The following SCML2 variants were observed in gnomAD, a reference collection of about 807,000 sequenced individuals.
SCML2 encodes Scm polycomb group protein like 2.
In SCML2, 6 loss-of-function variants were observed where a neutral mutation model predicts 48.4. The ratio of observed to expected loss-of-function variants is 0.12; its 90% CI spans 0.07 to 0.24. The LOEUF (loss-of-function observed/expected upper bound fraction) is 0.24, where lower values mean the gene tolerates loss of function less well. Ranked by LOEUF, SCML2 falls within the 10% of genes least tolerant of loss-of-function variation. SCML2 has a pLI of 1.00. For missense variants in SCML2, 377 were observed against 528.2 expected, an observed-to-expected ratio of 0.71 and a Z score of 2.81; for synonymous variants, 181 against 189.5, an observed-to-expected ratio of 0.95 and a Z score of 0.37.
At chrX:18,348,106 T>G (rs764600885) in intron 1 of SCML2, among the ~76,000 whole-genome samples, 2 of 112,136 alleles carry the variant, frequency 1.8e-5, no homozygotes, top group South Asian at 7.4e-4. Context: ...AAGTCAAGGG[T>G]TGCCAAAATC....
At chrX:18,296,331 G>A (rs945307824) in intron 7 of SCML2, among the ~76,000 whole-genome samples, 5 of 108,186 alleles carry the variant, frequency 4.6e-5, no homozygotes, top group Non-Finnish European at 7.6e-5. Flanking sequence ...ATTCCTTTGA[G>A]AGCTTCACAA....
chrX:18,321,598 G>GAAAAAAAAAAAAA (rs776249974), intron 5 of SCML2, among the ~76,000 whole-genome samples: 1 of 40,601 alleles, frequency 2.5e-5, no homozygotes, highest in Admixed American at 3.5e-4. Flanking sequence ...CACAATTGTT[G>GAAAAAAAAAAAAA]AAAAAAAAAA....
chrX:18,248,077 T>C (rs891679487), intron 11 of SCML2, among the ~76,000 whole-genome samples, 195 bp from the exon 12 acceptor site: 1 of 112,067 alleles, frequency 8.9e-6, no homozygotes, highest in Admixed American at 9.5e-5. Flanking sequence ...TGAAATAATA[T>C]TCAAGAGTTA....
chrX:18,263,620 A>G (rs1927152379), intron 8 of SCML2, among the ~76,000 whole-genome samples: 3 of 112,057 alleles, frequency 2.7e-5, no homozygotes. Flanking sequence ...AATAGCAACA[A>G]GAATCATAAA....
chrX:18,269,651 A>G (rs1266998401), intron 7 of SCML2, among the ~76,000 whole-genome samples: 1 of 111,954 alleles, frequency 8.9e-6, no homozygotes, highest in East Asian at 2.8e-4. Context: ...AAGAAGAGGA[A>G]TAATTGAGCT....
chrX:18,333,971 CA>C, intron 2 of SCML2, 78 bp downstream of exon 2: 2 of 949,301 alleles, frequency 2.1e-6, no homozygotes, highest in Non-Finnish European at 2.9e-6. Flanking sequence ...GGCTTTATTT[CA>C]AAAGTTCAGT....
intron 13 of SCML2, among the ~76,000 whole-genome samples, chrX:18,245,017 G>C (rs1926392449): frequency 8.9e-6 from 1 of 111,759 alleles, no homozygotes; most frequent in South Asian, 3.8e-4. Flanking sequence ...TTGAGCTCAA[G>C]GACTGGCCCA....
intron 7 of SCML2, among the ~76,000 whole-genome samples, chrX:18,300,549 G>C (rs1928553105): frequency 9.0e-6 from 1 of 111,083 alleles, no homozygotes; most frequent in Non-Finnish European, 1.9e-5. Flanking sequence ...CCAGCACTTT[G>C]GGAGGCCAAG....
At chrX:18,342,889 C>T (rs1035098742) in intron 1 of SCML2, among the ~76,000 whole-genome samples, 2 of 111,316 alleles carry the variant, frequency 1.8e-5, no homozygotes, top group South Asian at 7.5e-4. Flanking sequence ...TTGTTTTAAA[C>T]CATTTTCTCA....
chrX:18,329,363 A>G (rs1929582825), intron 3 of SCML2, among the ~76,000 whole-genome samples: 1 of 111,337 alleles, frequency 9.0e-6, no homozygotes, highest in African/African-American at 3.3e-5. Flanking sequence ...GAGAACAACA[A>G]TTCCGTGGGG....
intron 7 of SCML2, among the ~76,000 whole-genome samples, chrX:18,288,966 C>T (rs999775145): frequency 9.0e-6 from 1 of 111,730 alleles, no homozygotes; most frequent in East Asian, 2.8e-4. Context: ...TGTCTGTGGA[C>T]TGTAGAGACA....
intron 7 of SCML2, among the ~76,000 whole-genome samples, chrX:18,283,611 C>T (rs1046109917): frequency 8.9e-6 from 1 of 112,279 alleles, no homozygotes; most frequent in Admixed American, 9.4e-5. Context: ...AAAATCCATG[C>T]GGAAAAATGA....
chrX:18,306,616 G>C (rs943279941), intron 6 of SCML2, among the ~76,000 whole-genome samples: 1 of 111,338 alleles, frequency 9.0e-6, no homozygotes, highest in African/African-American at 3.3e-5. Context: ...TTTTAAATGA[G>C]AGAACCAAGG....
intron 7 of SCML2, among the ~76,000 whole-genome samples, chrX:18,274,312 G>C (rs923967544): frequency 8.9e-6 from 1 of 111,860 alleles, no homozygotes; most frequent in African/African-American, 3.3e-5. Context: ...TTCCCACAAG[G>C]GGTGGAATGT....
intron 7 of SCML2, among the ~76,000 whole-genome samples, chrX:18,274,655 C>A (rs1326678401): frequency 9.0e-6 from 1 of 111,650 alleles, no homozygotes; most frequent in African/African-American, 3.3e-5. Context: ...ATAGCCCCAT[C>A]TTTTTTCCCA....
In SCML2 at chrX:18,257,991, G is replaced by A. The variant is rs1448768239; in HGVS notation, c.1273+53C>T. The A allele has an allele frequency of 6.6e-6, 5 of 760,296 alleles. No homozygotes were observed. The Admixed American group carries it at 7.9e-5, about 12-fold the overall frequency. 62.7% of individuals were successfully genotyped at this position (760,296 alleles called of 1,213,427 possible). A position where few individuals can be genotyped will look rare whatever the true frequency, so the allele number is the denominator to read the frequency against. ...GGGGGAAGGGAAGGGGGAAGGGAAG[G>A]GGGAAGGGAAGGGGGAAGGGACTGA... On this transcript the variant is annotated intron_variant, in intron 10 of 14. Coordinates refer to ENST00000251900, the MANE Select transcript of SCML2 (RefSeq NM_006089.3).
At position 18,275,325 on chromosome X, in the gene SCML2, G is replaced by A. The variant is rs947902668; in HGVS notation, c.731-9523C>T. Among the ~76,000 whole-genome samples, 7 of 112,299 alleles carry A rather than the reference G, an allele frequency of 6.2e-5. No individual in the cohort carries two copies. The East Asian group carries it at 1.7e-3, about 27-fold the overall frequency. ...CACTCTTTCTGTCTTCACAGAGATC[G>A]ATCCTCCTTTCAGGAAAGGGCTTCC... is the stretch of plus-strand genomic sequence containing the variant. On this transcript the variant is annotated intron_variant, in intron 7 of 14. Coordinates refer to ENST00000251900, the MANE Select transcript of SCML2 (RefSeq NM_006089.3).
intron 8 of SCML2, among the ~76,000 whole-genome samples, chrX:18,261,727 T>C (rs1927071133): frequency 9.1e-6 from 1 of 110,185 alleles, no homozygotes; most frequent in Admixed American, 9.5e-5. Context: ...TTTGGTGTTA[T>C]CTTACATTTT....
At chrX:18,341,667 G>C (rs963690892) in intron 1 of SCML2, among the ~76,000 whole-genome samples, 6 of 110,597 alleles carry the variant, frequency 5.4e-5, no homozygotes, top group African/African-American at 2.0e-4. Context: ...AAAGCAAAAA[G>C]GAAAACACTT....
Sources: allele counts gnomAD v4.1 joint callset (sites outside exome capture counted in the v4.1 genomes callset), GRCh38; gene constraint gnomAD v4.1.1; transcripts MANE v1.5; gene names NCBI Gene and HGNC (gene_info 2026-07-23, HGNC 2026-07-21).